Variants in PTPRJ observed in about 807,000 individuals in gnomAD.
PTPRJ encodes protein tyrosine phosphatase receptor type J, also known as receptor-type tyrosine-protein phosphatase eta.
PTPRJ carries 129 observed loss-of-function variants against 141.3 expected under a neutral mutation model. The ratio of observed to expected loss-of-function variants is 0.91; its 90% CI spans 0.79 to 1.06. PTPRJ has a LOEUF of 1.06. Ranked by LOEUF, PTPRJ falls within the 50% of genes least tolerant of loss-of-function variation. The pLI is 0.00. For synonymous variants in PTPRJ, 610 were observed against 640.5 expected (o/e 0.95, Z 0.72); for missense variants, 1,601 against 1,679.7 (o/e 0.95, Z 0.82).
intron 3 of PTPRJ, among the ~76,000 whole-genome samples, chr11:48,117,574 A>C (rs1214852800): frequency 1.6e-4 from 20 of 122,156 alleles, no homozygotes; most frequent in African/African-American, 5.6e-4. Flanking sequence ...AAAAAAAAAA[A>C]AGCAAGCTCA....
At chr11:48,002,265 G>A (rs939938509) in intron 1 of PTPRJ, among the ~76,000 whole-genome samples, 1 of 151,610 alleles carries the variant, frequency 6.6e-6, no homozygotes, top group Non-Finnish European at 1.5e-5. Flanking sequence ...AGCCTCCCGA[G>A]TAGCTGGGAT....
intron 1 of PTPRJ, among the ~76,000 whole-genome samples, chr11:48,065,242 G>A (rs372934705): frequency 3.9e-4 from 59 of 152,034 alleles, no homozygotes; most frequent in African/African-American, 1.4e-3. Context: ...TCGAACTCCC[G>A]ACCTCAGGTG....
In PTPRJ at chr11:48,167,354, A is replaced by G. The variant is rs1483126559; in HGVS notation, c.4006A>G (p.Ile1336Val). ...CACATTTGGAAAGACCAATGGTTAC[A>G]TCGCCTAATTCCAAAGGAATAACCT... ...VTTFGKTNGY[I>V]A is the part of the protein sequence containing the mutation. The change falls in exon 25 of 25, where the codon ATC becomes GTC. Residue 1336 changes from isoleucine (I) to valine (V), a missense_variant. Transcript: ENST00000418331. 8.7e-6 allele frequency: 14 copies of G among 1,614,018 alleles called. No homozygotes were observed. The Admixed American group carries it at 2.2e-4, about 25-fold the overall frequency.
At chr11:48,022,116 C>T (rs146204204) in intron 1 of PTPRJ, among the ~76,000 whole-genome samples, 21 of 152,244 alleles carry the variant, frequency 1.4e-4, no homozygotes, top group Non-Finnish European at 2.6e-4. Flanking sequence ...TGTTAGTCTA[C>T]GAAGAGGGGT....
chr11:48,015,562 T>A (rs139863396), intron 1 of PTPRJ, among the ~76,000 whole-genome samples: 11 of 152,222 alleles, frequency 7.2e-5, no homozygotes, highest in African/African-American at 2.6e-4. Context: ...GGGATGGAGC[T>A]GGGTATAGTT....
In PTPRJ at chr11:48,126,809, C is replaced by G. The variant is rs890718539; in HGVS notation, c.1094-971C>G. 3.6e-4 allele frequency among the ~76,000 whole-genome samples: 46 copies of G among 127,440 alleles called. 1 individual carries two copies. In the South Asian group the frequency reaches 7.5e-3, roughly 21 times the overall value. 83.6% of individuals were successfully genotyped at this position (127,440 alleles called of 152,430 possible). On this transcript the variant is annotated intron_variant, in intron 6 of 24. Coordinates refer to ENST00000418331, the MANE Select transcript of PTPRJ (RefSeq NM_002843.4). Reference sequence around the variant, plus strand: ...ACACACACACACACACACACACACACACACACACACAGATAAACACACATT... The same window carrying G: ...ACACACACACACACACACACACACAGACACACACACAGATAAACACACATT...
intron 1 of PTPRJ, among the ~76,000 whole-genome samples, chr11:48,082,897 C>A (rs1191292915): frequency 2.0e-5 from 3 of 152,082 alleles, no homozygotes; most frequent in Non-Finnish European, 4.4e-5. Flanking sequence ...CTCATGTATA[C>A]ATAGTGTATG....
chr11:48,163,923 A>G (rs1166917141), intron 23 of PTPRJ, among the ~76,000 whole-genome samples: 2 of 152,204 alleles, frequency 1.3e-5, no homozygotes, highest in Non-Finnish European at 2.9e-5. Flanking sequence ...ACAGAAAGAG[A>G]CCATATGGTT....
intron 1 of PTPRJ, among the ~76,000 whole-genome samples, chr11:48,062,703 G>A (rs1854972096): frequency 6.6e-6 from 1 of 152,228 alleles, no homozygotes; most frequent in Non-Finnish European, 1.5e-5. Context: ...GATCGAACAA[G>A]AAGACTGCTT....
intron 1 of PTPRJ, among the ~76,000 whole-genome samples, chr11:48,050,601 C>T (rs1854540118): frequency 1.3e-5 from 2 of 152,058 alleles, no homozygotes; most frequent in South Asian, 4.1e-4. Context: ...TATTTGAAGC[C>T]CCTGAGCCTT....
At chr11:48,057,591 C>T (rs1177918946) in intron 1 of PTPRJ, among the ~76,000 whole-genome samples, 4 of 151,988 alleles carry the variant, frequency 2.6e-5, no homozygotes, top group Non-Finnish European at 2.9e-5. Flanking sequence ...GCAGCGGTAG[C>T]CCCCATAATA....
At chr11:48,016,612 A>G (rs1055368024) in intron 1 of PTPRJ, among the ~76,000 whole-genome samples, 1 of 152,156 alleles carries the variant, frequency 6.6e-6, no homozygotes, top group Non-Finnish European at 1.5e-5. Context: ...TCTGAGCCTC[A>G]GCCGCCTCAT....
intron 1 of PTPRJ, among the ~76,000 whole-genome samples, chr11:48,064,289 C>T (rs1367479903): frequency 6.6e-6 from 1 of 152,104 alleles, no homozygotes; most frequent in Non-Finnish European, 1.5e-5. Flanking sequence ...TGAACCCTGG[C>T]TTTGTCATGG....
chr11:48,007,331 G>A (rs1190859946), intron 1 of PTPRJ, among the ~76,000 whole-genome samples: 3 of 150,954 alleles, frequency 2.0e-5, no homozygotes, highest in South Asian at 2.1e-4. Flanking sequence ...GGTTGGTCTC[G>A]ATCTCCTGAC....
At chr11:48,011,492 C>G (rs1304683726) in intron 1 of PTPRJ, among the ~76,000 whole-genome samples, 1 of 152,044 alleles carries the variant, frequency 6.6e-6, no homozygotes, top group Non-Finnish European at 1.5e-5. Context: ...AAGTACAGCT[C>G]AGAATATGAT....
intron 6 of PTPRJ, among the ~76,000 whole-genome samples, chr11:48,126,478 T>G (rs534941557): frequency 1.3e-5 from 2 of 152,044 alleles, no homozygotes; most frequent in Non-Finnish European, 2.9e-5. Flanking sequence ...CAATGAACAT[T>G]TATTTCTCAG....
intron 1 of PTPRJ, among the ~76,000 whole-genome samples, chr11:48,103,994 G>A (rs932467000): frequency 4.3e-4 from 65 of 152,184 alleles, no homozygotes; most frequent in African/African-American, 1.5e-3. Flanking sequence ...GCATTTTTGG[G>A]ACCTGGAATT....
chr11:48,166,468 C>T (rs897666794), intron 24 of PTPRJ, among the ~76,000 whole-genome samples: 1 of 151,908 alleles, frequency 6.6e-6, no homozygotes, highest in Non-Finnish European at 1.5e-5. Flanking sequence ...TGTGTGCCAC[C>T]ACGCCCAGCA....
intron 12 of PTPRJ, 38 bp from the exon 13 acceptor site, chr11:48,144,637 C>T: frequency 2.0e-6 from 3 of 1,516,282 alleles, no homozygotes; most frequent in East Asian, 2.3e-5. Flanking sequence ...TCTCTGCCAT[C>T]ACTTTCTTAT....
Sources: allele counts gnomAD v4.1 joint callset (sites outside exome capture counted in the v4.1 genomes callset), GRCh38; gene constraint gnomAD v4.1.1; transcripts MANE v1.5; gene names NCBI Gene and HGNC (gene_info 2026-07-23, HGNC 2026-07-21).